Variants in PARVG observed in about 807,000 individuals in gnomAD.
PARVG encodes the protein gamma-parvin.
In PARVG, 36 loss-of-function variants were observed where a neutral mutation model predicts 44.4. The observed-to-expected ratio is 0.81, with a 90% CI of 0.62 to 1.07. The LOEUF (loss-of-function observed/expected upper bound fraction) is 1.07. Among genes scored for constraint, PARVG ranks in the 50% least tolerant of loss-of-function variants. The pLI, the probability that PARVG is intolerant of heterozygous loss-of-function variation, is 0.00. For missense variants in PARVG, 407 were observed against 407.4 expected, an observed-to-expected ratio of 1.00 and a Z score of 0.01; for synonymous variants, 170 against 174.1, an observed-to-expected ratio of 0.98 and a Z score of 0.19.
intron 8 of PARVG, 81 bp from the exon 9 acceptor site, chr22:44,193,720 G>C: frequency 6.4e-7 from 1 of 1,570,512 alleles, no homozygotes; most frequent in Non-Finnish European, 8.7e-7. Context: ...CCAGCACTGA[G>C]GCTTGTCATA....
In PARVG at chr22:44,206,788, C is replaced by T. The variant is rs550778121; in HGVS notation, c.*362C>T. 317 of 283,064 alleles carry T rather than the reference C, an allele frequency of 1.1e-3. 5 individuals carry two copies. The highest frequency in any genetic ancestry group is 6.6e-3 in the South Asian group (194 of 29,488). 17.5% of individuals were successfully genotyped at this position (283,064 alleles called of 1,614,324 possible). ...GACCGCCCAGAGAGGTGGCATCACT[C>T]AGGGCTGGGGACTCTCAGGGACAGG... On this transcript the variant is annotated 3_prime_UTR_variant, in exon 14 of 14. Coordinates refer to ENST00000444313, the MANE Select transcript of PARVG (RefSeq NM_022141.7).
chr22:44,181,848 T>C lies in PARVG; in HGVS notation c.-82T>C. The C allele has an allele frequency of 1.0e-6, 1 of 985,468 alleles. No homozygotes were observed. Among genetic ancestry groups the C allele is most frequent in the Non-Finnish European group, 1.2e-6 (1 of 829,978 alleles). The allele number at this position is 985,468 out of a possible 1,614,324, so 61.0% of individuals were successfully genotyped here. Reference sequence around the variant, plus strand: ...ACCCCAGAAGAACCCGGAACTTGCTTCCATTCGGAATCCAGGGACCACCCT... The same window carrying C: ...ACCCCAGAAGAACCCGGAACTTGCTCCCATTCGGAATCCAGGGACCACCCT... On this transcript the variant is annotated 5_prime_UTR_variant, in exon 2 of 14. Coordinates refer to ENST00000444313, the MANE Select transcript of PARVG (RefSeq NM_022141.7).
At chr22:44,177,151 T>C (rs1601723279), upstream of PARVG, among the ~76,000 whole-genome samples, 1 of 152,326 alleles carries the variant, frequency 6.6e-6, no homozygotes, top group South Asian at 2.1e-4. Flanking sequence ...TCACTCTCTT[T>C]CTGTCCCTGC....
At chr22:44,198,581 G>A (rs776494544) in intron 11 of PARVG, 40 bp from the exon 12 acceptor site, 3 of 1,494,160 alleles carry the variant, frequency 2.0e-6, no homozygotes, top group African/African-American at 1.4e-5. Flanking sequence ...GCTTCGCCAG[G>A]CTTCTTCCAT....
chr22:44,185,983 G>T lies in PARVG; in HGVS notation c.144+111G>T, dbSNP rs73888889. 556 of 1,008,534 alleles carry T rather than the reference G, an allele frequency of 5.5e-4. 4 individuals are homozygous for T. The African/African-American group carries it at 8.0e-3, about 15-fold the overall frequency. 62.5% of individuals were successfully genotyped at this position (1,008,534 alleles called of 1,614,324 possible). A position where few individuals can be genotyped will look rare whatever the true frequency, so the allele number is the denominator to read the frequency against. ...GTCCCCACTCCTTGGCCTCAGGCTG[G>T]GGGGTGGCGACCCCCGAAGACCCCT... On this transcript the variant is annotated intron_variant, in intron 4 of 13. Coordinates refer to ENST00000444313, the MANE Select transcript of PARVG (RefSeq NM_022141.7).
At chr22:44,172,977 A>G (rs2147207670) in exon 1 of PARVG, 2 of 1,289,240 alleles carry the variant, frequency 1.6e-6, no homozygotes, top group Non-Finnish European at 2.0e-6. Flanking sequence ...TGCTGTTTTA[A>G]TCTTTCATGC....
chr22:44,193,853 G>C (rs2054583130), intron 9 of PARVG, 30 bp downstream of exon 9: 47 of 1,613,618 alleles, frequency 2.9e-5, no homozygotes, highest in East Asian at 4.5e-5. Context: ...TTGGAAATCT[G>C]TTCCTATCTG....
intron 2 of PARVG, 55 bp from the exon 3 acceptor site, chr22:44,183,263 C>T: frequency 6.7e-7 from 1 of 1,491,074 alleles, no homozygotes; most frequent in East Asian, 2.4e-5. Context: ...ATGAGGGGCT[C>T]AGTGAGTTTG....
intron 12 of PARVG, among the ~76,000 whole-genome samples, chr22:44,204,663 C>G (rs180689438): frequency 2.2e-3 from 339 of 152,378 alleles, no homozygotes; most frequent in Middle Eastern, 0.014. Context: ...GCCATGGGAA[C>G]TGCCCTGTCC....
chr22:44,173,226 G>A (rs1297369201), intron 1 of PARVG: 1 of 1,210,348 alleles, frequency 8.3e-7, no homozygotes, highest in Non-Finnish European at 1.1e-6. Flanking sequence ...CCTCTGCCTG[G>A]GTCCAGACCA....
chr22:44,193,973 C>T lies in PARVG; in HGVS notation c.583+150C>T, dbSNP rs182610479. Reference sequence around the variant, plus strand: ...AAGCCTCATTCTTATTCATTTGTCCCTCTTTCTGTCTGTCCATCCATGGAG... The same window carrying T: ...AAGCCTCATTCTTATTCATTTGTCCTTCTTTCTGTCTGTCCATCCATGGAG... On this transcript the variant is annotated intron_variant, in intron 9 of 13. Coordinates refer to ENST00000444313, the MANE Select transcript of PARVG (RefSeq NM_022141.7). 814 of 1,024,734 alleles carry T rather than the reference C, an allele frequency of 7.9e-4. 3 individuals carry two copies. The highest frequency in any genetic ancestry group is 9.9e-4 in the Non-Finnish European group (688 of 692,462). 63.5% of individuals were successfully genotyped at this position (1,024,734 alleles called of 1,614,324 possible). A position where few individuals can be genotyped will look rare whatever the true frequency, so the allele number is the denominator to read the frequency against.
chr22:44,186,289 G>C lies in PARVG; in HGVS notation c.144+417G>C, dbSNP rs1183984363. On this transcript the variant is annotated intron_variant, in intron 4 of 13. Transcript: ENST00000444313. The stretch of plus-strand genomic sequence containing the variant: ...CCCCAGCTTGTCTGCCCAAGGTGTA[G>C]GAGAACTGGTGAGGTGGTGGTGGTG... 9.1e-6 allele frequency: 3 copies of C among 329,040 alleles called. No homozygotes were observed. In the Admixed American group the frequency reaches 1.2e-4, roughly 13 times the overall value. 20.4% of individuals were successfully genotyped at this position (329,040 alleles called of 1,614,324 possible). A position where few individuals can be genotyped will look rare whatever the true frequency, so the allele number is the denominator to read the frequency against.
intron 12 of PARVG, among the ~76,000 whole-genome samples, chr22:44,203,232 C>G (rs910202695): frequency 6.6e-6 from 1 of 152,180 alleles, no homozygotes; most frequent in East Asian, 1.9e-4. Context: ...GGTTGTATGG[C>G]TAGCACATAG....
intron 8 of PARVG, among the ~76,000 whole-genome samples, chr22:44,192,562 G>A (rs1334480569): frequency 1.3e-5 from 2 of 151,874 alleles, no homozygotes; most frequent in African/African-American, 2.4e-5. Context: ...ACTGGGGGGT[G>A]TGGCCATCCT....
intron 1 of PARVG, among the ~76,000 whole-genome samples, chr22:44,173,980 A>C (rs577953504): frequency 2.6e-5 from 4 of 152,182 alleles, no homozygotes; most frequent in Non-Finnish European, 5.9e-5. Flanking sequence ...GTAGGACTCA[A>C]CTGTTACTAT....
intron 4 of PARVG, chr22:44,186,708 A>C: frequency 2.1e-6 from 1 of 468,348 alleles, no homozygotes; most frequent in Non-Finnish European, 4.4e-6. Context: ...AAGGATTTGG[A>C]TGCCAGTAGT....
rs113955757 is a variant in PARVG, at chr22:44,181,910, GC to G, written c.-19del. 1,463 of 985,590 alleles carry G rather than the reference GC, an allele frequency of 1.5e-3. 25 individuals carry two copies. The African/African-American group carries it at 0.024, about 16-fold the overall frequency. The allele number at this position is 985,590 out of a possible 1,614,324, so 61.1% of individuals were successfully genotyped here. A position where few individuals can be genotyped will look rare whatever the true frequency, so the allele number is the denominator to read the frequency against. On this transcript the variant is annotated 5_prime_UTR_variant, in exon 2 of 14. Transcript: ENST00000444313. ...AGGCCTTTGTTTTCCTGCGTGGAAA[GC>G]GGTTGGGTGAGTTCTGGCATCGGGG...
chr22:44,194,828 T>C (rs2054597472), intron 9 of PARVG, among the ~76,000 whole-genome samples: 1 of 151,504 alleles, frequency 6.6e-6, no homozygotes, highest in African/African-American at 2.4e-5. Flanking sequence ...CATATATTCA[T>C]CCATCCATCC....
In PARVG at chr22:44,208,072, G is replaced by A. The variant is rs1027175746; in HGVS notation, c.*1646G>A. On this transcript the variant is annotated 3_prime_UTR_variant, in exon 14 of 14. Transcript: ENST00000444313. Reference sequence around the variant, plus strand: ...TCTCTCAGCTGGCTTCATCCCAAAAGCCTGAAATCCAGCCCCACTTCCTGG... The same window carrying A: ...TCTCTCAGCTGGCTTCATCCCAAAAACCTGAAATCCAGCCCCACTTCCTGG... 2.0e-5 allele frequency: 3 copies of A among 152,164 alleles called. No homozygotes were observed. Among genetic ancestry groups the A allele is most frequent in the Admixed American group, 1.3e-4 (2 of 15,270 alleles). 9.4% of individuals were successfully genotyped at this position (152,164 alleles called of 1,614,324 possible).
Sources: gnomAD v4.1 joint callset for allele counts (sites outside exome capture counted in the v4.1 genomes callset) on GRCh38, gnomAD v4.1.1 for gene constraint, MANE v1.5 for transcripts, NCBI Gene and HGNC (gene_info 2026-07-23, HGNC 2026-07-21) for gene names.